Variants in CPM observed in about 807,000 individuals in gnomAD.
CPM encodes carboxypeptidase M.
In CPM, 35 loss-of-function variants were observed where a neutral mutation model predicts 46.4. That is an observed-to-expected ratio of 0.75 (90% CI 0.58 to 1.00). CPM has a LOEUF of 1.00. Ranked by LOEUF, CPM falls within the 50% of genes least tolerant of loss-of-function variation. The pLI, the probability that CPM is intolerant of heterozygous loss-of-function variation, is 0.00. For missense variants in CPM, 422 were observed against 530.4 expected, an observed-to-expected ratio of 0.80 and a Z score of 2.01; for synonymous variants, 195 against 195.3, an observed-to-expected ratio of 1.00 and a Z score of 0.01.
chr12:68,926,717 C>G lies in CPM; in HGVS notation c.160+5961G>C, dbSNP rs575488185. Among the ~76,000 whole-genome samples, 838 of 152,202 alleles carry G rather than the reference C, an allele frequency of 5.5e-3. 9 individuals carry two copies. Among genetic ancestry groups the G allele is most frequent in the African/African-American group, 0.018 (741 of 41,520 alleles). On this transcript the variant is annotated intron_variant, in intron 2 of 8. Coordinates refer to ENST00000551568, the MANE Select transcript of CPM (RefSeq NM_198320.5). ...CCTAATGCTATCCCTCCCCGCTCCC[C>G]CAACCCCACAACAGTCCCCAGAGTG...
At position 68,871,769 on chromosome 12, in the gene CPM, C is replaced by A. The variant is rs1240657062; in HGVS notation, c.431+15G>T. On this transcript the variant is annotated intron_variant, in intron 4 of 8. Coordinates refer to ENST00000551568, the MANE Select transcript of CPM (RefSeq NM_198320.5). ...TGTGTTGTTTTCAAGTAAAGATAGA[C>A]CAGCCCCTCTTTACCTTCCGATGCT... 1 of 1,613,866 alleles carries A rather than the reference C, an allele frequency of 6.2e-7. No individual in the cohort carries two copies. The highest frequency in any genetic ancestry group is 1.7e-5 in the Admixed American group (1 of 60,002).
chr12:68,875,473 T>C (rs539781383), intron 3 of CPM, among the ~76,000 whole-genome samples: 1 of 152,144 alleles, frequency 6.6e-6, no homozygotes, highest in Admixed American at 6.5e-5. Flanking sequence ...GACTACAATT[T>C]CAAAGTTTTT....
rs2228654 is a variant in CPM, at chr12:68,871,798, A to T, written c.417T>A (p.Tyr139Ter). 3 of 1,613,808 alleles carry T rather than the reference A, an allele frequency of 1.9e-6. No individual in the cohort carries two copies. In the East Asian group the frequency reaches 6.7e-5, roughly 36 times the overall value. Residue 139 changes from tyrosine to a stop codon, truncating the protein, a stop_gained, in exon 4 of 9, where the codon TAT (tyrosine) becomes TAA (stop). Transcript: ENST00000551568. LOFTEE classifies it high-confidence loss of function. ...CCCCTCTTTACCTTCCGATGCTGTA[A>T]TAACAGTCAGGCTTTTTGACGGCTT... ...GFEAVKKPDC[Y>*]YSIGRENYNQ...
intron 1 of CPM, among the ~76,000 whole-genome samples, chr12:68,955,990 A>G (rs1056539825): frequency 6.6e-6 from 1 of 151,820 alleles, no homozygotes; most frequent in Non-Finnish European, 1.5e-5. Flanking sequence ...GCCCCTTTCC[A>G]CCCAGGAGCC....
Position 68,870,325 on chromosome 12 carries a change from G to A in CPM, c.506C>T (p.Pro169Leu). 6.2e-7 allele frequency: 1 copy of A among 1,614,192 alleles called. No individual in the cohort carries two copies. Among genetic ancestry groups the A allele is most frequent in the Non-Finnish European group, 8.5e-7 (1 of 1,180,034 alleles). ...AFEYNNVSRQPETVAVMKWLK... is the reference protein window; with the variant it reads ...AFEYNNVSRQLETVAVMKWLK... The stretch of plus-strand genomic sequence containing the variant: ...CCACTTCATGACTGCCACAGTTTCA[G>A]GCTGCCTTGAGACATTATTATATTC... The change falls in exon 5 of 9, where the codon CCT becomes CTT. Residue 169 changes from proline (P) to leucine (L), a missense_variant. By Grantham distance (98) the Pro-to-Leu change is moderately conservative. Coordinates refer to ENST00000551568, the MANE Select transcript of CPM (RefSeq NM_198320.5).
chr12:68,926,870 A>G (rs1271629128), intron 2 of CPM, among the ~76,000 whole-genome samples: 9 of 152,210 alleles, frequency 5.9e-5, no homozygotes, highest in Non-Finnish European at 1.0e-4. Flanking sequence ...AATTTCATCC[A>G]TGTCCCTACA....
chr12:68,846,147 G>A (rs1884280344), intron 5 of CPM: 1 of 152,330 alleles, frequency 6.6e-6, no homozygotes, highest in South Asian at 2.1e-4. Flanking sequence ...TAGAGATGGG[G>A]TTTCAGCATG....
intron 2 of CPM, among the ~76,000 whole-genome samples, chr12:68,916,215 C>T (rs925678640): frequency 1.3e-5 from 2 of 152,038 alleles, no homozygotes; most frequent in African/African-American, 4.8e-5. Flanking sequence ...TCTTTACATT[C>T]TGAATAATTA....
intron 2 of CPM, among the ~76,000 whole-genome samples, chr12:68,926,694 T>C (rs1888276395): frequency 1.3e-5 from 2 of 152,144 alleles, no homozygotes; most frequent in African/African-American, 2.4e-5. Flanking sequence ...GTATATCTCC[T>C]AATGCTATCC....
At chr12:68,926,256 T>A (rs1002529906) in intron 2 of CPM, among the ~76,000 whole-genome samples, 1 of 152,192 alleles carries the variant, frequency 6.6e-6, no homozygotes, top group Admixed American at 6.5e-5. Flanking sequence ...ATTTAACATA[T>A]CTAAAATATT....
chr12:68,927,208 C>A (rs1371988750), intron 2 of CPM, among the ~76,000 whole-genome samples: 2 of 151,396 alleles, frequency 1.3e-5, no homozygotes, highest in Non-Finnish European at 2.9e-5. Context: ...TATTTCTCCA[C>A]ATCCTCTCCA....
At chr12:68,934,604 C>T (rs927007502), upstream of CPM, among the ~76,000 whole-genome samples, 7 of 152,124 alleles carry the variant, frequency 4.6e-5, no homozygotes, top group African/African-American at 1.7e-4. Flanking sequence ...GCATAGTATT[C>T]CGTGGTGTAT....
At chr12:68,882,924 G>A (rs1229936737) in intron 3 of CPM, among the ~76,000 whole-genome samples, 1 of 152,226 alleles carries the variant, frequency 6.6e-6, no homozygotes, top group Non-Finnish European at 1.5e-5. Context: ...ATACATGGGG[G>A]AAAATGGCAG....
chr12:68,916,592 C>T (rs1373716193), intron 2 of CPM, among the ~76,000 whole-genome samples: 1 of 152,100 alleles, frequency 6.6e-6, no homozygotes, highest in Non-Finnish European at 1.5e-5. Context: ...CACCAAATTT[C>T]TTAAAGAGAA....
At chr12:68,870,802 C>A (rs1017587335) in intron 4 of CPM, among the ~76,000 whole-genome samples, 8 of 152,184 alleles carry the variant, frequency 5.3e-5, no homozygotes, top group Admixed American at 6.5e-5. Flanking sequence ...CGGACAGTAG[C>A]CATCCCTGCT....
intron 7 of CPM, among the ~76,000 whole-genome samples, chr12:68,865,702 TC>T (rs1418880209): frequency 6.6e-6 from 1 of 152,064 alleles, no homozygotes; most frequent in Non-Finnish European, 1.5e-5. Flanking sequence ...TATGTTTCTC[TC>T]CCCAAGCCAT....
At position 68,858,952 on chromosome 12, in the gene CPM, G is replaced by T; in HGVS notation, c.1060C>A (p.Leu354Ile). ...ATTATATAAGACCCAGGCAAGAGAA[G>T]GAGATAATACTCTCCATATTTGTTG... The part of the protein sequence containing the change: ...RTNKYGEYYL[L>I]LLPGSYIINV... Residue 354 changes from leucine to isoleucine, a missense_variant, in exon 8 of 9, where the codon CTT becomes ATT. By Grantham distance (5) the Leu-to-Ile change is conservative. Coordinates refer to ENST00000551568, the MANE Select transcript of CPM (RefSeq NM_198320.5). 1 of 1,513,866 alleles carries T rather than the reference G, an allele frequency of 6.6e-7. No homozygotes were observed. Among genetic ancestry groups the T allele is most frequent in the Non-Finnish European group, 8.8e-7 (1 of 1,131,238 alleles). The allele number at this position is 1,513,866 out of a possible 1,614,324, so 93.8% of individuals were successfully genotyped here.
At chr12:68,901,607 G>A (rs1369836763) in intron 2 of CPM, among the ~76,000 whole-genome samples, 1 of 152,106 alleles carries the variant, frequency 6.6e-6, no homozygotes, top group African/African-American at 2.4e-5. Context: ...ACGATTTATG[G>A]GATCATTGAG....
At chr12:68,873,822 T>C (rs187722358) in intron 3 of CPM, among the ~76,000 whole-genome samples, 1 of 152,224 alleles carries the variant, frequency 6.6e-6, no homozygotes, top group African/African-American at 2.4e-5. Flanking sequence ...ACCTTTTTTT[T>C]TGAGACAGAG....
Sources: allele counts gnomAD v4.1 joint callset (sites outside exome capture counted in the v4.1 genomes callset), GRCh38; gene constraint gnomAD v4.1.1; transcripts MANE v1.5; gene names NCBI Gene and HGNC (gene_info 2026-07-23, HGNC 2026-07-21).